The following GPR158 variants were observed in gnomAD, a reference collection of about 807,000 sequenced individuals.
GPR158 encodes G protein-coupled receptor 158, also known as metabotropic glycine receptor.
GPR158 carries 30 observed loss-of-function variants against 78.2 expected under a neutral mutation model. The ratio of observed to expected loss-of-function variants is 0.38; its 90% confidence interval spans 0.29 to 0.52. The LOEUF is 0.52. Among genes scored for constraint, GPR158 ranks in the 20% least tolerant of loss-of-function variants. The pLI, the probability that GPR158 is intolerant of heterozygous loss-of-function variation, is 0.83. For synonymous variants in GPR158, 581 were observed against 591.1 expected (o/e 0.98, Z 0.25); for missense variants, 1,463 against 1,523.5 (o/e 0.96, Z 0.66).
intron 2 of GPR158, among the ~76,000 whole-genome samples, chr10:25,252,599 G>C (rs1321278230): frequency 1.3e-5 from 2 of 151,850 alleles, no homozygotes; most frequent in East Asian, 1.9e-4. Context: ...TGCCCCTGCT[G>C]GGGGGTGCCT....
chr10:25,574,341 C>A (rs12246035), intron 7 of GPR158, among the ~76,000 whole-genome samples: 2 of 151,552 alleles, frequency 1.3e-5, no homozygotes, highest in Non-Finnish European at 2.9e-5. Context: ...ATTATATAAT[C>A]GATAGTAACC....
At chr10:25,233,072 A>G (rs561026254) in intron 2 of GPR158, among the ~76,000 whole-genome samples, 1 of 152,218 alleles carries the variant, frequency 6.6e-6, no homozygotes, top group African/African-American at 2.4e-5. Flanking sequence ...TAAAGGGGGA[A>G]TCGTTAGATG....
chr10:25,578,928 G>A, intron 7 of GPR158, among the ~76,000 whole-genome samples: 1 of 152,060 alleles, frequency 6.6e-6, no homozygotes, highest in South Asian at 2.1e-4. Flanking sequence ...AGAATGGCGT[G>A]AACCTGGGAG....
intron 2 of GPR158, among the ~76,000 whole-genome samples, chr10:25,372,045 A>G (rs1487479351): frequency 6.6e-6 from 1 of 151,888 alleles, no homozygotes; most frequent in African/African-American, 2.4e-5. Flanking sequence ...AAGTGGGCGA[A>G]GGACATGAAC....
At chr10:25,263,704 AAGC>A (rs1393439067) in intron 2 of GPR158, among the ~76,000 whole-genome samples, 4 of 152,108 alleles carry the variant, frequency 2.6e-5, no homozygotes, top group African/African-American at 9.7e-5. Context: ...TGGGAGGCTG[AAGC>A]AGGTGGATCA....
At chr10:25,353,859 TTAAG>T (rs1480559810) in intron 2 of GPR158, among the ~76,000 whole-genome samples, 5 of 152,116 alleles carry the variant, frequency 3.3e-5, no homozygotes, top group South Asian at 2.1e-4. Flanking sequence ...CGTTGTATTA[TTAAG>T]TAAGAACTTA....
At chr10:25,434,879 G>T (rs968832836) in intron 4 of GPR158, among the ~76,000 whole-genome samples, 2 of 152,102 alleles carry the variant, frequency 1.3e-5, no homozygotes, top group Non-Finnish European at 2.9e-5. Flanking sequence ...TCTTGAAAAA[G>T]GAATTTCATT....
chr10:25,538,481 G>A (rs1308369651), intron 5 of GPR158, among the ~76,000 whole-genome samples: 1 of 152,060 alleles, frequency 6.6e-6, no homozygotes, highest in Non-Finnish European at 1.5e-5. Context: ...ACACACAAAT[G>A]TTTTGTTGTT....
rs555557827 is a variant in GPR158, at chr10:25,456,927, G to T, written c.1336-9724G>T. Among the ~76,000 whole-genome samples the T allele has an allele frequency of 4.0e-5, 6 of 151,762 alleles. No homozygotes were observed. In the East Asian group the frequency reaches 9.7e-4, roughly 25 times the overall value. The stretch of plus-strand genomic sequence containing the variant: ...TTAATTATTAAGATTTTTCATGGGG[G>T]GTCTTTGTTCCTTTAATAGTCTAAT... On this transcript the variant is annotated intron_variant, in intron 4 of 10. Coordinates refer to ENST00000376351, the MANE Select transcript of GPR158 (RefSeq NM_020752.3).
At chr10:25,595,822 G>T (rs974101976) in intron 9 of GPR158, among the ~76,000 whole-genome samples, 3 of 152,176 alleles carry the variant, frequency 2.0e-5, no homozygotes, top group African/African-American at 7.2e-5. Flanking sequence ...GATGATGGTT[G>T]CACAACCTCA....
intron 3 of GPR158, among the ~76,000 whole-genome samples, chr10:25,408,409 A>T: frequency 6.6e-6 from 1 of 152,192 alleles, no homozygotes; most frequent in East Asian, 1.9e-4. Flanking sequence ...TCTGATGGGA[A>T]GGTAAATTTA....
chr10:25,577,430 G>GA (rs138823276), intron 7 of GPR158, among the ~76,000 whole-genome samples: 33,233 of 151,862 alleles, frequency 0.22, 4,593 homozygotes, highest in Non-Finnish European at 0.31. Context: ...AGTTCGTTCA[G>GA]AAAAAAAGAA....
intron 5 of GPR158, among the ~76,000 whole-genome samples, chr10:25,479,473 T>C (rs1490548680): frequency 6.6e-6 from 1 of 152,122 alleles, no homozygotes; most frequent in Non-Finnish European, 1.5e-5. Context: ...TGGAGTGCAG[T>C]GGTGCGATCT....
At position 25,323,365 on chromosome 10, in the gene GPR158, G is replaced by T. The variant is rs375615616; in HGVS notation, c.1009-72546G>T. Among the ~76,000 whole-genome samples, 11 of 152,230 alleles carry T rather than the reference G, an allele frequency of 7.2e-5. No homozygotes were observed. In the South Asian group the frequency reaches 2.1e-3, roughly 29 times the overall value. On this transcript the variant is annotated intron_variant, in intron 2 of 10. Transcript: ENST00000376351. ...CACCAGCTGCATTAGATCCTAGCAAGAGACTCACTCAGCCTGCCCTTGGAA... is the reference window on the plus strand; with the variant it reads ...CACCAGCTGCATTAGATCCTAGCAATAGACTCACTCAGCCTGCCCTTGGAA...
intron 2 of GPR158, among the ~76,000 whole-genome samples, chr10:25,253,484 C>G (rs1853844357): frequency 6.6e-6 from 1 of 152,120 alleles, no homozygotes; most frequent in Admixed American, 6.5e-5. Flanking sequence ...TAAGGGGAAT[C>G]CTAACTGAGA....
At chr10:25,316,095 G>A (rs1443724782) in intron 2 of GPR158, among the ~76,000 whole-genome samples, 4 of 152,142 alleles carry the variant, frequency 2.6e-5, no homozygotes, top group African/African-American at 9.7e-5. Context: ...TTTCAGAAGT[G>A]TGATGTCAGT....
chr10:25,272,347 G>T (rs1036123187), intron 2 of GPR158, among the ~76,000 whole-genome samples: 1 of 152,038 alleles, frequency 6.6e-6, no homozygotes, highest in African/African-American at 2.4e-5. Context: ...ATTTTGATAT[G>T]GTGCTTTTTC....
intron 2 of GPR158, among the ~76,000 whole-genome samples, chr10:25,395,508 C>A (rs1375914768): frequency 6.6e-6 from 1 of 152,122 alleles, no homozygotes; most frequent in Non-Finnish European, 1.5e-5. Flanking sequence ...ACCTACCTGC[C>A]TATCTACCCA....
chr10:25,221,375 T>C (rs1853298040), intron 2 of GPR158, among the ~76,000 whole-genome samples: 1 of 152,164 alleles, frequency 6.6e-6, no homozygotes, highest in African/African-American at 2.4e-5. Flanking sequence ...TACAATTACA[T>C]CTGAAGTTTG....
Sources: gnomAD v4.1 joint callset for allele counts (sites outside exome capture counted in the v4.1 genomes callset) on GRCh38, gnomAD v4.1.1 for gene constraint, MANE v1.5 for transcripts, NCBI Gene and HGNC (gene_info 2026-07-23, HGNC 2026-07-21) for gene names.